Variants in AGO2 observed in about 807,000 individuals in gnomAD.
AGO2 encodes the protein argonaute RISC catalytic component 2, also known as protein argonaute-2.
A neutral mutation model predicts 102.3 loss-of-function variants in AGO2; 5 were observed. The observed-to-expected ratio is 0.05, with a 90% CI of 0.03 to 0.10. The LOEUF (loss-of-function observed/expected upper bound fraction) is 0.10, where lower values mean the gene tolerates loss of function less well. Ranked by LOEUF, AGO2 falls within the 10% of genes least tolerant of loss-of-function variation. The pLI is 1.00. For missense variants in AGO2, 541 were observed against 1,183.7 expected, an observed-to-expected ratio of 0.46 and a Z score of 7.97; for synonymous variants, 449 against 473.1, an observed-to-expected ratio of 0.95 and a Z score of 0.66.
At chr8:140,582,291 C>G (rs1478787735) in intron 2 of AGO2, among the ~76,000 whole-genome samples, 1 of 152,114 alleles carries the variant, frequency 6.6e-6, no homozygotes, top group Non-Finnish European at 1.5e-5. Flanking sequence ...CCCACATATA[C>G]AGGTTGAGCA....
intron 2 of AGO2, among the ~76,000 whole-genome samples, chr8:140,576,703 T>C (rs1338643732): frequency 6.6e-6 from 1 of 152,190 alleles, no homozygotes; most frequent in East Asian, 1.9e-4. Flanking sequence ...TCAGTGTCTA[T>C]TTACCACCCT....
chr8:140,636,071 G>GT (rs1299833244), upstream of AGO2, among the ~76,000 whole-genome samples: 1 of 151,386 alleles, frequency 6.6e-6, no homozygotes, highest in Non-Finnish European at 1.5e-5. Context: ...CCGCCCCCCG[G>GT]TGGGGGGCGC....
At chr8:140,623,284 A>G (rs7814587) in intron 1 of AGO2, among the ~76,000 whole-genome samples, 32,024 of 47,284 alleles carry the variant, frequency 0.68, 11,221 homozygotes, top group Non-Finnish European at 0.72. Flanking sequence ...TAATGCACAT[A>G]GGGTCTCCTC....
chr8:140,598,887 A>G (rs929977165), intron 1 of AGO2, among the ~76,000 whole-genome samples: 2 of 152,146 alleles, frequency 1.3e-5, no homozygotes, highest in African/African-American at 4.8e-5. Context: ...GGCTCGCACC[A>G]CCAGCCTCCC....
intron 2 of AGO2, among the ~76,000 whole-genome samples, chr8:140,576,438 C>T (rs965093306): frequency 7.9e-5 from 12 of 152,184 alleles, no homozygotes; most frequent in African/African-American, 2.9e-4. Flanking sequence ...ATTCTTACAA[C>T]TCAGTAAGAA....
Position 140,626,523 on chromosome 8 carries a change from C to T in AGO2, c.22+8962G>A, listed in dbSNP as rs2074280087. On this transcript the variant is annotated intron_variant, in intron 1 of 18. Coordinates refer to ENST00000220592, the MANE Select transcript of AGO2 (RefSeq NM_012154.5). ...CACAACTGCAGGTCGCCCGCATCAT[C>T]TCCTCTGATCAAAGCACCACCACCA... 2.6e-5 allele frequency: 4 copies of T among 152,240 alleles called. No homozygotes were observed. In the South Asian group the frequency reaches 8.3e-4, roughly 31 times the overall value. The allele number at this position is 152,240 out of a possible 1,614,324, so 9.4% of individuals were successfully genotyped here.
chr8:140,552,285 C>T (rs969918761), intron 10 of AGO2, among the ~76,000 whole-genome samples: 1 of 152,186 alleles, frequency 6.6e-6, no homozygotes, highest in Non-Finnish European at 1.5e-5. Context: ...AAGAGAAAGG[C>T]GGGCTGTGCA....
At chr8:140,628,398 CGT>C (rs959783922) in intron 1 of AGO2, among the ~76,000 whole-genome samples, 38 of 151,008 alleles carry the variant, frequency 2.5e-4, no homozygotes, top group Admixed American at 1.4e-3. Context: ...TGTGTGTGTG[CGT>C]GTGTGTGTGT....
At chr8:140,604,653 C>T (rs779310389) in intron 1 of AGO2, among the ~76,000 whole-genome samples, 4 of 151,970 alleles carry the variant, frequency 2.6e-5, no homozygotes, top group Admixed American at 6.6e-5. Context: ...GGTGAAACCC[C>T]GTCTCTACTA....
chr8:140,529,592 A>T lies in AGO2; in HGVS notation c.*2452T>A, dbSNP rs72694425. On this transcript the variant is annotated 3_prime_UTR_variant, in exon 19 of 19. Coordinates refer to ENST00000220592, the MANE Select transcript of AGO2 (RefSeq NM_012154.5). ...ATGAAAGTTTTCCTTCAAAATGATT[A>T]AAAAAAACAAAAATTGTAGTCCTAC... 0.22 allele frequency: 33,276 copies of T among 151,174 alleles called. 4,101 individuals are homozygous for T. The highest frequency in any genetic ancestry group is 0.3 in the East Asian group (1,561 of 5,160). The allele number at this position is 151,174 out of a possible 1,614,324, so 9.4% of individuals were successfully genotyped here. A position where few individuals can be genotyped will look rare whatever the true frequency, so the allele number is the denominator to read the frequency against.
intron 2 of AGO2, among the ~76,000 whole-genome samples, chr8:140,580,571 C>T (rs1373406339): frequency 2.0e-5 from 3 of 152,192 alleles, no homozygotes; most frequent in Non-Finnish European, 4.4e-5. Context: ...GCGGCGCTGA[C>T]CATGAGCACC....
intron 10 of AGO2, among the ~76,000 whole-genome samples, chr8:140,555,176 G>A (rs2073073668): frequency 6.6e-6 from 1 of 152,162 alleles, no homozygotes; most frequent in Non-Finnish European, 1.5e-5. Flanking sequence ...ACCCTGCAGA[G>A]CCCTGGTGTC....
At chr8:140,538,097 G>C (rs1432117270) in intron 16 of AGO2, among the ~76,000 whole-genome samples, 2 of 152,254 alleles carry the variant, frequency 1.3e-5, no homozygotes, top group Non-Finnish European at 2.9e-5. Flanking sequence ...CAGGATTACA[G>C]GCGTGAGCCA....
intron 17 of AGO2, among the ~76,000 whole-genome samples, chr8:140,534,161 G>A (rs536719035): frequency 3.3e-5 from 5 of 152,226 alleles, no homozygotes; most frequent in Non-Finnish European, 7.3e-5. Flanking sequence ...CGTGTGACTG[G>A]TGGCTGTCAC....
At chr8:140,597,066 T>C (rs1346458241) in intron 1 of AGO2, among the ~76,000 whole-genome samples, 1 of 152,144 alleles carries the variant, frequency 6.6e-6, no homozygotes, top group African/African-American at 2.4e-5. Flanking sequence ...AAATGGGTTT[T>C]ACGTCATGGT....
intron 1 of AGO2, among the ~76,000 whole-genome samples, chr8:140,608,128 T>C (rs2074028770): frequency 6.6e-6 from 1 of 152,216 alleles, no homozygotes; most frequent in Non-Finnish European, 1.5e-5. Context: ...AGTGGTGATA[T>C]GGGCTTGTGA....
At chr8:140,615,744 A>G (rs1194298928) in intron 1 of AGO2, among the ~76,000 whole-genome samples, 1 of 152,248 alleles carries the variant, frequency 6.6e-6, no homozygotes, top group Non-Finnish European at 1.5e-5. Context: ...TGCCTGTGGC[A>G]GCTCTCCACG....
At chr8:140,552,030 G>A (rs1470296695) in intron 10 of AGO2, among the ~76,000 whole-genome samples, 1 of 152,188 alleles carries the variant, frequency 6.6e-6, no homozygotes, top group East Asian at 1.9e-4. Context: ...CAGGAGGAGG[G>A]AGGCCCAAAG....
intron 2 of AGO2, among the ~76,000 whole-genome samples, chr8:140,583,505 G>A (rs1234472421): frequency 6.6e-6 from 1 of 152,086 alleles, no homozygotes; most frequent in Non-Finnish European, 1.5e-5. Context: ...CACACACCTA[G>A]GCCACAAACC....
Sources: allele counts gnomAD v4.1 joint callset (sites outside exome capture counted in the v4.1 genomes callset), GRCh38; gene constraint gnomAD v4.1.1; transcripts MANE v1.5; gene names NCBI Gene and HGNC (gene_info 2026-07-23, HGNC 2026-07-21).